The following LIN7A variants were observed in gnomAD, a reference collection of about 807,000 sequenced individuals.
LIN7A encodes the protein protein lin-7 homolog A.
Under a neutral mutation model 29.8 loss-of-function variants are expected in LIN7A, and 25 were observed. That is an observed-to-expected ratio of 0.84 (90% CI 0.61 to 1.17). The LOEUF is 1.17. LIN7A is among the 50% of genes most tolerant of loss of function. The probability of loss-of-function intolerance (pLI) is 0.00; values close to 1 mark genes in which losing one functional copy is unlikely to be tolerated. For missense variants in LIN7A, 239 were observed against 287.0 expected, an observed-to-expected ratio of 0.83 and a Z score of 1.21; for synonymous variants, 118 against 107.5, an observed-to-expected ratio of 1.10 and a Z score of -0.60.
intron 1 of LIN7A, among the ~76,000 whole-genome samples, chr12:80,906,381 G>A (rs1453431562): frequency 6.6e-6 from 1 of 152,186 alleles, no homozygotes; most frequent in African/African-American, 2.4e-5. Flanking sequence ...GTGTAGAGAA[G>A]TGAGAGAAGA....
At chr12:80,918,213 G>A (rs1265382332) in intron 1 of LIN7A, among the ~76,000 whole-genome samples, 1 of 150,048 alleles carries the variant, frequency 6.7e-6, no homozygotes, top group East Asian at 1.9e-4. Flanking sequence ...AGGCCTGGCT[G>A]ATATTTTTTT....
At chr12:80,817,518 A>G (rs1871591901) in intron 4 of LIN7A, among the ~76,000 whole-genome samples, 2 of 152,190 alleles carry the variant, frequency 1.3e-5, no homozygotes, top group Non-Finnish European at 2.9e-5. Flanking sequence ...TATTCAAGGC[A>G]TATCTACAGC....
At chr12:80,927,543 G>A (rs776798661) in intron 1 of LIN7A, among the ~76,000 whole-genome samples, 1 of 152,170 alleles carries the variant, frequency 6.6e-6, no homozygotes, top group Admixed American at 6.5e-5. Flanking sequence ...AAAAGGGAAT[G>A]TGGAAATTCA....
intron 5 of LIN7A, among the ~76,000 whole-genome samples, chr12:80,809,794 T>C (rs980393871): frequency 9.2e-5 from 14 of 152,228 alleles, no homozygotes; most frequent in African/African-American, 2.9e-4. Flanking sequence ...GTGTTCTTTG[T>C]TACAAAGTGG....
At chr12:80,897,402 A>G (rs1362731115) in intron 1 of LIN7A, among the ~76,000 whole-genome samples, 2 of 152,188 alleles carry the variant, frequency 1.3e-5, no homozygotes, top group African/African-American at 2.4e-5. Flanking sequence ...GTTTTTACAC[A>G]TCTGAAGGAA....
At chr12:80,838,437 G>A (rs1872676510) in intron 4 of LIN7A, among the ~76,000 whole-genome samples, 1 of 152,104 alleles carries the variant, frequency 6.6e-6, no homozygotes, top group African/African-American at 2.4e-5. Context: ...GAATGAAGGG[G>A]GGTAGAATAC....
intron 5 of LIN7A, among the ~76,000 whole-genome samples, chr12:80,799,804 T>C (rs144349129): frequency 2.7e-4 from 41 of 151,916 alleles, no homozygotes; most frequent in African/African-American, 9.9e-4. Flanking sequence ...AAATTGAAAA[T>C]AGGAAATTAA....
intron 1 of LIN7A, among the ~76,000 whole-genome samples, chr12:80,912,619 G>A (rs1282834446): frequency 6.6e-6 from 1 of 151,620 alleles, no homozygotes; most frequent in Admixed American, 6.6e-5. Context: ...GGAGGCTGAG[G>A]CAGGCGAATC....
chr12:80,868,838 T>TG (rs1158637492), intron 2 of LIN7A, among the ~76,000 whole-genome samples: 1 of 151,910 alleles, frequency 6.6e-6, no homozygotes, highest in Non-Finnish European at 1.5e-5. Flanking sequence ...TGGTTTCAGG[T>TG]GGGGGGGCCC....
chr12:80,899,762 T>C (rs1200302897), intron 1 of LIN7A, among the ~76,000 whole-genome samples: 1 of 90,168 alleles, frequency 1.1e-5, no homozygotes, highest in Non-Finnish European at 3.2e-5. Flanking sequence ...GTTTTCTTTT[T>C]TTCTTTTCTT....
intron 4 of LIN7A, among the ~76,000 whole-genome samples, chr12:80,840,278 T>C (rs1214066432): frequency 6.6e-6 from 1 of 152,264 alleles, no homozygotes; most frequent in East Asian, 1.9e-4. Flanking sequence ...CGAATTGGAA[T>C]TGGTACAATT....
chr12:80,801,519 G>A (rs961449505), intron 5 of LIN7A, among the ~76,000 whole-genome samples: 1 of 152,036 alleles, frequency 6.6e-6, no homozygotes. Context: ...TATTCAATTG[G>A]CAAATAATAA....
chr12:80,935,935 T>A (rs1592964707), intron 1 of LIN7A: 1 of 278,682 alleles, frequency 3.6e-6, no homozygotes, highest in East Asian at 7.6e-5. Context: ...ATATTTGTAT[T>A]ATTAGTAGTA....
intron 1 of LIN7A, among the ~76,000 whole-genome samples, chr12:80,916,706 T>C (rs1592948651): frequency 3.9e-5 from 6 of 152,172 alleles, no homozygotes; most frequent in Admixed American, 3.9e-4. Context: ...ACAGGTGCTT[T>C]GGAAGTAAAA....
At chr12:80,861,002 G>C (rs2120405687) in intron 2 of LIN7A, 1 of 152,280 alleles carries the variant, frequency 6.6e-6, no homozygotes, top group Non-Finnish European at 1.5e-5. Flanking sequence ...AGTTGTAAAG[G>C]TTTTCTATCT....
In LIN7A at chr12:80,912,255, C is replaced by T. The variant is rs141736946; in HGVS notation, c.83-22886G>A. On this transcript the variant is annotated intron_variant, in intron 1 of 5. Coordinates refer to ENST00000552864, the MANE Select transcript of LIN7A (RefSeq NM_004664.4). ...TGACTGAGAAAAACACATTGTTTAC[C>T]TGAAAATCATTAGTTATATAAAAGG... is the stretch of plus-strand genomic sequence containing the variant. Among the ~76,000 whole-genome samples, 1,368 of 151,492 alleles carry T rather than the reference C, an allele frequency of 9.0e-3. 7 individuals carry two copies. The highest frequency in any genetic ancestry group is 0.022 in the South Asian group (108 of 4,816).
chr12:80,880,780 C>A (rs1874987285), intron 2 of LIN7A, among the ~76,000 whole-genome samples: 1 of 151,900 alleles, frequency 6.6e-6, no homozygotes, highest in South Asian at 2.1e-4. Context: ...CACACATACA[C>A]ACACACAGAC....
In LIN7A at chr12:80,861,726, A is replaced by T. The variant is rs1351451431; in HGVS notation, c.202-13404T>A. 3.3e-5 allele frequency among the ~76,000 whole-genome samples: 5 copies of T among 152,334 alleles called. No individual in the cohort carries two copies. In the East Asian group the frequency reaches 7.7e-4, roughly 24 times the overall value. On this transcript the variant is annotated intron_variant, in intron 2 of 5. Coordinates refer to ENST00000552864, the MANE Select transcript of LIN7A (RefSeq NM_004664.4). ...GGAGCTCTGCTCATAACCTGCAGAC[A>T]ATCTCACATTTCCTGGGCAACTAGC...
intron 5 of LIN7A, among the ~76,000 whole-genome samples, chr12:80,807,314 C>T (rs1340152905): frequency 6.6e-6 from 1 of 152,110 alleles, no homozygotes; most frequent in Non-Finnish European, 1.5e-5. Context: ...TTGTGATCCA[C>T]CTGCCTTGGC....
Sources: gnomAD v4.1 joint callset for allele counts (sites outside exome capture counted in the v4.1 genomes callset) on GRCh38, gnomAD v4.1.1 for gene constraint, MANE v1.5 for transcripts, NCBI Gene and HGNC (gene_info 2026-07-23, HGNC 2026-07-21) for gene names.